The following PPP2R5E variants were observed in gnomAD, a reference collection of about 807,000 sequenced individuals.
PPP2R5E encodes the protein serine/threonine-protein phosphatase 2A 56 kDa regulatory subunit epsilon isoform.
In PPP2R5E, 4 loss-of-function variants were observed where a neutral mutation model predicts 65.3. That is an observed-to-expected ratio of 0.06 (90% CI 0.03 to 0.14). PPP2R5E has a LOEUF of 0.14. PPP2R5E is among the 10% of genes least tolerant of loss of function. PPP2R5E has a pLI of 1.00. For missense variants in PPP2R5E, 274 were observed against 556.1 expected, an observed-to-expected ratio of 0.49 and a Z score of 5.10; for synonymous variants, 183 against 187.4, an observed-to-expected ratio of 0.98 and a Z score of 0.19.
At chr14:63,508,261 A>C in intron 2 of PPP2R5E, 2 of 979,622 alleles carry the variant, frequency 2.0e-6, no homozygotes, top group Non-Finnish European at 2.4e-6. Flanking sequence ...CACGCGGCTC[A>C]CTTGTTTACC....
chr14:63,485,825 C>CTT lies in PPP2R5E; in HGVS notation c.158-31942_158-31941dup, dbSNP rs770156529. Among the ~76,000 whole-genome samples, 29 of 130,630 alleles carry CTT rather than the reference C, an allele frequency of 2.2e-4. 1 individual carries two copies. Among genetic ancestry groups the CTT allele is most frequent in the Non-Finnish European group, 3.6e-4 (22 of 61,798 alleles). The allele number at this position is 130,630 out of a possible 152,430, so 85.7% of individuals were successfully genotyped here. A position where few individuals can be genotyped will look rare whatever the true frequency, so the allele number is the denominator to read the frequency against. ...TTGTCATTGTACATATACTGACAAA[C>CTT]TTTTTTTTTTTTTTTTTTTTTGATA... On this transcript the variant is annotated intron_variant, in intron 2 of 13. Transcript: ENST00000337537.
intron 5 of PPP2R5E, among the ~76,000 whole-genome samples, chr14:63,399,227 A>G (rs1885593631): frequency 6.6e-6 from 1 of 152,190 alleles, no homozygotes; most frequent in African/African-American, 2.4e-5. Flanking sequence ...TTCAAACATC[A>G]TGCTAAGTAA....
intron 2 of PPP2R5E, among the ~76,000 whole-genome samples, chr14:63,466,597 C>T (rs534365201): frequency 6.6e-6 from 1 of 152,224 alleles, no homozygotes; most frequent in South Asian, 2.1e-4. Context: ...AAATGTAAGT[C>T]CACATAGAAC....
chr14:63,503,342 G>A (rs373550541), intron 2 of PPP2R5E, among the ~76,000 whole-genome samples: 22 of 152,230 alleles, frequency 1.4e-4, no homozygotes, highest in African/African-American at 5.3e-4. Flanking sequence ...GTGGGGTGTG[G>A]AGTGACAGGC....
intron 3 of PPP2R5E, among the ~76,000 whole-genome samples, chr14:63,438,403 C>G (rs1396979473): frequency 1.3e-5 from 2 of 152,214 alleles, no homozygotes; most frequent in Non-Finnish European, 2.9e-5. Flanking sequence ...CACACTTTGT[C>G]ATCCATGTGC....
At chr14:63,405,478 A>G (rs1021927447) in intron 5 of PPP2R5E, among the ~76,000 whole-genome samples, 5 of 152,244 alleles carry the variant, frequency 3.3e-5, no homozygotes, top group Admixed American at 6.5e-5. Context: ...CATAATTTAC[A>G]TGATAATTAC....
chr14:63,523,613 T>C (rs943766873), intron 2 of PPP2R5E, among the ~76,000 whole-genome samples: 11 of 151,852 alleles, frequency 7.2e-5, no homozygotes, highest in Non-Finnish European at 1.5e-4. Context: ...CCAGAGACCT[T>C]TGTTCACTTG....
At chr14:63,391,907 T>C (rs1246021448) in intron 9 of PPP2R5E, 40 bp from the exon 10 acceptor site, 1 of 1,609,210 alleles carries the variant, frequency 6.2e-7, no homozygotes, top group East Asian at 2.2e-5. Flanking sequence ...ATTTAACTTT[T>C]TCATATATAC....
chr14:63,497,907 C>A (rs1210929935), intron 2 of PPP2R5E, among the ~76,000 whole-genome samples: 1 of 152,158 alleles, frequency 6.6e-6, no homozygotes, highest in Non-Finnish European at 1.5e-5. Context: ...AGTGGCATCA[C>A]CTGGCATCAC....
intron 3 of PPP2R5E, among the ~76,000 whole-genome samples, chr14:63,433,411 C>T (rs1887795225): frequency 1.3e-5 from 2 of 152,178 alleles, no homozygotes; most frequent in Admixed American, 1.3e-4. Flanking sequence ...GTGAGACTGG[C>T]TGGGCTAATT....
rs543167285 is a variant in PPP2R5E, at chr14:63,522,277, G to A, written c.157+17252C>T. Among the ~76,000 whole-genome samples the A allele has an allele frequency of 1.8e-4, 28 of 152,078 alleles. No homozygotes were observed. In the South Asian group the frequency reaches 5.4e-3, roughly 29 times the overall value. On this transcript the variant is annotated intron_variant, in intron 2 of 13. Coordinates refer to ENST00000337537, the MANE Select transcript of PPP2R5E (RefSeq NM_006246.5). ...GTTGCCCAGGCTGGAGTGCAGTGGC[G>A]TGATCTCGGCTCGCTACAACCTCCA...
At chr14:63,386,437 T>C (rs1195559489) in intron 11 of PPP2R5E, among the ~76,000 whole-genome samples, 1 of 152,222 alleles carries the variant, frequency 6.6e-6, no homozygotes, top group African/African-American at 2.4e-5. Context: ...AAAGTCTCTA[T>C]TCTTAACCTC....
chr14:63,503,358 C>T (rs1471561746), intron 2 of PPP2R5E, among the ~76,000 whole-genome samples: 1 of 152,144 alleles, frequency 6.6e-6, no homozygotes, highest in Admixed American at 6.5e-5. Context: ...CAGGCAGGAA[C>T]AGGCCTCTAT....
chr14:63,442,889 G>A (rs750937389), intron 3 of PPP2R5E, among the ~76,000 whole-genome samples: 15 of 151,972 alleles, frequency 9.9e-5, no homozygotes, highest in South Asian at 2.1e-4. Flanking sequence ...ATTTCCCCCC[G>A]GCAGTTATCA....
chr14:63,496,349 C>T (rs1891566506), intron 2 of PPP2R5E, among the ~76,000 whole-genome samples: 2 of 150,044 alleles, frequency 1.3e-5, no homozygotes, highest in South Asian at 4.2e-4. Flanking sequence ...CAGGCTGAGG[C>T]ACAAGAATCG....
intron 1 of PPP2R5E, among the ~76,000 whole-genome samples, chr14:63,541,877 G>GT (rs1893917176): frequency 6.6e-6 from 1 of 151,776 alleles, no homozygotes; most frequent in Admixed American, 6.6e-5. Flanking sequence ...ATAATGTGAT[G>GT]GATTCAAAAT....
At position 63,537,492 on chromosome 14, in the gene PPP2R5E, C is replaced by CG. The variant is rs373210625; in HGVS notation, c.157+2036_157+2037insC. 2.7e-3 allele frequency among the ~76,000 whole-genome samples: 411 copies of CG among 152,294 alleles called. 2 individuals are homozygous for CG. Among genetic ancestry groups the CG allele is most frequent in the African/African-American group, 9.5e-3 (393 of 41,570 alleles). On this transcript the variant is annotated intron_variant, in intron 2 of 13. Transcript: ENST00000337537. Reference sequence around the variant, plus strand: ...CAAAGCTCACAGGAGCTCATCTTTACTGACTGGTAGATATATCATCTTTAC... The same window carrying CG: ...CAAAGCTCACAGGAGCTCATCTTTACGTGACTGGTAGATATATCATCTTTAC...
At chr14:63,508,337 T>C (rs7150490) in intron 2 of PPP2R5E, 59,428 of 465,410 alleles carry the variant, frequency 0.13, 4,321 homozygotes, top group African/African-American at 0.17. Context: ...ACAAAACAAC[T>C]GCATATATTC....
At chr14:63,377,005 T>C (rs7141733) in intron 13 of PPP2R5E, among the ~76,000 whole-genome samples, 9,223 of 152,044 alleles carry the variant, frequency 0.061, 725 homozygotes, top group African/African-American at 0.17. Context: ...TGGTGGCGTA[T>C]GCCTAGAGTC....
Sources: allele counts gnomAD v4.1 joint callset (sites outside exome capture counted in the v4.1 genomes callset), GRCh38; gene constraint gnomAD v4.1.1; transcripts MANE v1.5; gene names NCBI Gene and HGNC (gene_info 2026-07-23, HGNC 2026-07-21).